Variants in CDH18 observed in about 807,000 individuals in gnomAD.
CDH18 encodes the protein cadherin 18, also known as cadherin-18.
Under a neutral mutation model 67.9 loss-of-function variants are expected in CDH18, and 31 were observed. The observed-to-expected ratio is 0.46, with a 90% CI of 0.34 to 0.62. The LOEUF is 0.62. CDH18 is among the 20% of genes least tolerant of loss of function. The pLI is 0.01. For synonymous variants in CDH18, 362 were observed against 347.2 expected, an observed-to-expected ratio of 1.04 and a Z score of -0.48; for missense variants, 890 against 975.5, an observed-to-expected ratio of 0.91 and a Z score of 1.17.
chr5:20,287,982 A>G (rs1406147818), intron 1 of CDH18, among the ~76,000 whole-genome samples: 1 of 151,852 alleles, frequency 6.6e-6, no homozygotes, highest in South Asian at 2.1e-4. Context: ...AAAGCGTTGC[A>G]TAATCAAGAA....
intron 1 of CDH18, among the ~76,000 whole-genome samples, chr5:20,568,828 A>G (rs1758656071): frequency 2.0e-5 from 3 of 152,170 alleles, no homozygotes; most frequent in Admixed American, 2.0e-4. Context: ...TTAGTTTGTG[A>G]GCAAGCTAGT....
chr5:20,549,769 G>A (rs1757532760), intron 1 of CDH18, among the ~76,000 whole-genome samples: 1 of 152,158 alleles, frequency 6.6e-6, no homozygotes, highest in Non-Finnish European at 1.5e-5. Flanking sequence ...ATTCAAGGCA[G>A]TAGAGTGGGG....
intron 2 of CDH18, among the ~76,000 whole-genome samples, chr5:20,175,842 C>G (rs1014014142): frequency 6.6e-6 from 1 of 152,180 alleles, no homozygotes; most frequent in African/African-American, 2.4e-5. Flanking sequence ...GTCTGCCTTT[C>G]CCAGCCCACT....
At chr5:20,437,303 C>A (rs542791018) in intron 1 of CDH18, among the ~76,000 whole-genome samples, 3 of 151,058 alleles carry the variant, frequency 2.0e-5, no homozygotes, top group African/African-American at 7.3e-5. Context: ...TTCTTAATTA[C>A]TATATGTAAC....
intron 5 of CDH18, among the ~76,000 whole-genome samples, chr5:19,615,745 T>C (rs1489299833): frequency 6.6e-6 from 1 of 152,176 alleles, no homozygotes; most frequent in East Asian, 1.9e-4. Flanking sequence ...ACTGTCTCCA[T>C]AGTTTTGCCT....
intron 2 of CDH18, among the ~76,000 whole-genome samples, chr5:19,971,821 G>C (rs10076558): frequency 0.12 from 18,769 of 150,800 alleles, 3,321 homozygotes; most frequent in African/African-American, 0.4. Context: ...TGTAACAAAC[G>C]TAACTTGTGC....
chr5:20,295,337 A>G (rs1000090408), intron 1 of CDH18, among the ~76,000 whole-genome samples: 1 of 152,212 alleles, frequency 6.6e-6, no homozygotes, highest in Non-Finnish European at 1.5e-5. Context: ...AAATTTTGAT[A>G]GGAAGAAAGG....
At chr5:20,175,058 G>C (rs1737126652) in intron 2 of CDH18, among the ~76,000 whole-genome samples, 1 of 152,068 alleles carries the variant, frequency 6.6e-6, no homozygotes, top group Admixed American at 6.6e-5. Flanking sequence ...AGATATATAA[G>C]AATGGGTTAT....
At chr5:20,027,187 AC>A (rs1450632019) in intron 2 of CDH18, among the ~76,000 whole-genome samples, 126 of 152,200 alleles carry the variant, frequency 8.3e-4, no homozygotes, top group Non-Finnish European at 4.4e-4. Flanking sequence ...GTATGATTAA[AC>A]TTTTTACATA....
At chr5:20,397,543 G>A in intron 1 of CDH18, among the ~76,000 whole-genome samples, 1 of 152,074 alleles carries the variant, frequency 6.6e-6, no homozygotes, top group East Asian at 1.9e-4. Context: ...TCTAGTCCTG[G>A]AGAGTTTAAA....
chr5:19,482,009 C>T (rs575573951), intron 12 of CDH18, among the ~76,000 whole-genome samples: 1 of 151,836 alleles, frequency 6.6e-6, no homozygotes, highest in African/African-American at 2.4e-5. Flanking sequence ...GCTCTTCATG[C>T]GGCTGTGAAA....
chr5:20,054,630 G>A lies in CDH18; in HGVS notation c.-517-62616C>T, dbSNP rs537712620. 2.6e-5 allele frequency among the ~76,000 whole-genome samples: 4 copies of A among 152,044 alleles called. No individual in the cohort carries two copies. The East Asian group carries it at 7.7e-4, about 29-fold the overall frequency. ...TTATACCACCTTTGCCATCTACTTCGGGTATATTCTTAGCTTTGACTTGCT... is the reference window on the plus strand; with the variant it reads ...TTATACCACCTTTGCCATCTACTTCAGGTATATTCTTAGCTTTGACTTGCT... On this transcript the variant is annotated intron_variant, in intron 2 of 14. Transcript: ENST00000507958.
chr5:19,963,030 A>G (rs1022353275), intron 2 of CDH18, among the ~76,000 whole-genome samples: 8 of 152,078 alleles, frequency 5.3e-5, no homozygotes, highest in African/African-American at 1.9e-4. Context: ...TCTAGTTTAA[A>G]ATTGATCCAT....
intron 2 of CDH18, among the ~76,000 whole-genome samples, chr5:20,091,434 C>T (rs1256983301): frequency 2.0e-5 from 3 of 152,066 alleles, no homozygotes; most frequent in Admixed American, 1.3e-4. Context: ...GAAGCTGCAG[C>T]GAGCCATAAT....
chr5:19,778,893 G>T (rs1774738142), intron 3 of CDH18, among the ~76,000 whole-genome samples: 1 of 152,002 alleles, frequency 6.6e-6, no homozygotes, highest in Admixed American at 6.6e-5. Flanking sequence ...TTTTCTACAT[G>T]TATTATGCTC....
At chr5:20,394,331 T>C (rs1300097883) in intron 1 of CDH18, among the ~76,000 whole-genome samples, 1 of 152,054 alleles carries the variant, frequency 6.6e-6, no homozygotes, top group East Asian at 1.9e-4. Context: ...ATTCCATAAA[T>C]GATTCTGGAA....
intron 3 of CDH18, among the ~76,000 whole-genome samples, chr5:19,817,409 G>A (rs903068987): frequency 2.0e-5 from 3 of 151,902 alleles, no homozygotes; most frequent in Non-Finnish European, 4.4e-5. Context: ...TACATGATAT[G>A]TGTACAAGGA....
chr5:19,593,536 T>C (rs575757807), intron 6 of CDH18, among the ~76,000 whole-genome samples: 37 of 151,852 alleles, frequency 2.4e-4, no homozygotes, highest in African/African-American at 8.9e-4. Context: ...TTTTCCTTCC[T>C]TCTTCTCCTT....
intron 1 of CDH18, among the ~76,000 whole-genome samples, chr5:20,484,758 C>G (rs887416113): frequency 6.6e-6 from 1 of 151,946 alleles, no homozygotes; most frequent in Non-Finnish European, 1.5e-5. Flanking sequence ...AACAATTGAA[C>G]TCATGGAGAT....
Sources: gnomAD v4.1 joint callset for allele counts (sites outside exome capture counted in the v4.1 genomes callset) on GRCh38, gnomAD v4.1.1 for gene constraint, MANE v1.5 for transcripts, NCBI Gene and HGNC (gene_info 2026-07-23, HGNC 2026-07-21) for gene names.